The following CSMD1 variants were observed in gnomAD, a reference collection of about 807,000 sequenced individuals.
The protein encoded by CSMD1 is CUB and Sushi multiple domains 1.
In CSMD1, 213 loss-of-function variants were observed where a neutral mutation model predicts 417.5. The observed-to-expected ratio is 0.51, with a 90% CI of 0.46 to 0.57. The LOEUF is 0.57. CSMD1 is among the 20% of genes least tolerant of loss of function. CSMD1 has a pLI of 0.00. For synonymous variants in CSMD1, 2,862 were observed against 1,736.8 expected (o/e 1.65, Z -16.11); for missense variants, 6,923 against 4,529.7 (o/e 1.53, Z -15.17).
At chr8:3,766,618 A>G (rs1055324826) in intron 5 of CSMD1, among the ~76,000 whole-genome samples, 2 of 152,206 alleles carry the variant, frequency 1.3e-5, no homozygotes, top group African/African-American at 4.8e-5. Flanking sequence ...AGAGATCTCT[A>G]TAATAAATTC....
At chr8:3,602,261 GCA>G (rs1307325827) in intron 8 of CSMD1, among the ~76,000 whole-genome samples, 2 of 152,100 alleles carry the variant, frequency 1.3e-5, no homozygotes, top group South Asian at 2.1e-4. Flanking sequence ...GTGTTTAATT[GCA>G]CAGTTTAGAG....
chr8:3,224,504 A>C (rs1261389758), intron 27 of CSMD1, among the ~76,000 whole-genome samples: 1 of 152,332 alleles, frequency 6.6e-6, no homozygotes, highest in Non-Finnish European at 1.5e-5. Flanking sequence ...TACTTTCCCC[A>C]TATTTCAAAG....
chr8:3,645,799 A>C (rs1797544696), intron 7 of CSMD1, among the ~76,000 whole-genome samples: 1 of 152,142 alleles, frequency 6.6e-6, no homozygotes, highest in Non-Finnish European at 1.5e-5. Context: ...TACCAAAACA[A>C]AGCTGTCTAT....
chr8:4,491,541 G>C (rs1228428214), intron 2 of CSMD1, among the ~76,000 whole-genome samples: 1 of 150,982 alleles, frequency 6.6e-6, no homozygotes, highest in Non-Finnish European at 1.5e-5. Context: ...TCTGTCTCCT[G>C]GAAAATGATT....
chr8:4,865,794 C>T (rs1802393464), intron 1 of CSMD1, among the ~76,000 whole-genome samples: 1 of 151,822 alleles, frequency 6.6e-6, no homozygotes, highest in Non-Finnish European at 1.5e-5. Flanking sequence ...ATGCATTGCC[C>T]AGTTTTTTAA....
intron 3 of CSMD1, among the ~76,000 whole-genome samples, chr8:4,129,887 A>G (rs956213968): frequency 6.6e-6 from 1 of 152,054 alleles, no homozygotes; most frequent in Non-Finnish European, 1.5e-5. Context: ...TGTTTTGTGA[A>G]TATAATATAT....
chr8:3,659,763 G>C (rs934341520), intron 7 of CSMD1, among the ~76,000 whole-genome samples: 1 of 152,072 alleles, frequency 6.6e-6, no homozygotes, highest in Admixed American at 6.6e-5. Context: ...AAAAATACTG[G>C]TAAAGATCTT....
At chr8:3,330,693 C>T (rs550425515) in intron 23 of CSMD1, among the ~76,000 whole-genome samples, 5 of 152,152 alleles carry the variant, frequency 3.3e-5, no homozygotes, top group African/African-American at 9.6e-5. Context: ...AACAAACCCC[C>T]GTGACATGAG....
At chr8:3,158,155 A>G (rs1417028801) in intron 38 of CSMD1, among the ~76,000 whole-genome samples, 189 bp from the exon 39 acceptor site, 1 of 152,228 alleles carries the variant, frequency 6.6e-6, no homozygotes, top group East Asian at 1.9e-4. Context: ...ATAGAAAAGT[A>G]TCCATTTTCA....
intron 3 of CSMD1, among the ~76,000 whole-genome samples, chr8:4,156,420 T>A (rs1341950568): frequency 2.6e-5 from 4 of 152,178 alleles, no homozygotes; most frequent in African/African-American, 7.2e-5. Flanking sequence ...GTCTCTGTAC[T>A]GACTTGAGAA....
At chr8:4,714,036 T>G (rs2116876676) in intron 1 of CSMD1, among the ~76,000 whole-genome samples, 1 of 152,024 alleles carries the variant, frequency 6.6e-6, no homozygotes, top group Non-Finnish European at 1.5e-5. Flanking sequence ...TCCCAGCTAC[T>G]CGGGAGACTG....
chr8:3,616,096 A>G (rs1415398567), intron 8 of CSMD1, among the ~76,000 whole-genome samples: 1 of 152,204 alleles, frequency 6.6e-6, no homozygotes, highest in African/African-American at 2.4e-5. Flanking sequence ...AGATAATTAA[A>G]TATTTTACCT....
chr8:3,412,940 G>T (rs537419480), intron 12 of CSMD1, among the ~76,000 whole-genome samples: 1 of 152,130 alleles, frequency 6.6e-6, no homozygotes, highest in Non-Finnish European at 1.5e-5. Context: ...TGGGCTGGGC[G>T]CCCAGGGTCC....
intron 3 of CSMD1, among the ~76,000 whole-genome samples, chr8:4,305,997 G>A (rs1585198066): frequency 6.6e-6 from 1 of 152,230 alleles, no homozygotes; most frequent in African/African-American, 2.4e-5. Context: ...TACCTTAATG[G>A]TTGTGCAATA....
At chr8:3,220,061 C>A (rs1798111279) in intron 28 of CSMD1, among the ~76,000 whole-genome samples, 1 of 148,786 alleles carries the variant, frequency 6.7e-6, no homozygotes. Context: ...TGGATGATCA[C>A]TTGAGGCCAG....
In CSMD1 at chr8:4,135,613, G is replaced by T. The variant is rs139359089; in HGVS notation, c.416-103514C>A. Among the ~76,000 whole-genome samples, 80 of 152,174 alleles carry T rather than the reference G, an allele frequency of 5.3e-4. 1 individual carries two copies. The East Asian group carries it at 0.014, about 26-fold the overall frequency. ...AAATATCAAGAGGAAAATTTAGTTTGCACTGTTAATAGTTCAAAGATGTTT... is the reference window on the plus strand; with the variant it reads ...AAATATCAAGAGGAAAATTTAGTTTTCACTGTTAATAGTTCAAAGATGTTT... On this transcript the variant is annotated intron_variant, in intron 3 of 69. Transcript: ENST00000635120.
intron 3 of CSMD1, among the ~76,000 whole-genome samples, chr8:4,412,390 A>G (rs1452662335): frequency 1.3e-5 from 2 of 152,144 alleles, no homozygotes; most frequent in Non-Finnish European, 2.9e-5. Context: ...CGCATTTGCC[A>G]TGTGTTGCGC....
chr8:3,771,466 A>G lies in CSMD1; in HGVS notation c.819-17424T>C, dbSNP rs149349385. ...TCTCTCAGTTGCTGGTGGGGGGGCA[A>G]GCAGGGCCAGGCCAATTCTCAAGCT... is the stretch of plus-strand genomic sequence containing the variant. On this transcript the variant is annotated intron_variant, in intron 5 of 69. Transcript: ENST00000635120. Among the ~76,000 whole-genome samples the G allele has an allele frequency of 6.6e-5, 10 of 152,274 alleles. No homozygotes were observed. In the East Asian group the frequency reaches 1.7e-3, roughly 27 times the overall value.
At chr8:4,371,087 A>G (rs1433714007) in intron 3 of CSMD1, among the ~76,000 whole-genome samples, 4 of 152,130 alleles carry the variant, frequency 2.6e-5, no homozygotes, top group African/African-American at 7.2e-5. Context: ...TGTTCTTTAG[A>G]TGGGGCATTT....
Sources: allele counts gnomAD v4.1 joint callset (sites outside exome capture counted in the v4.1 genomes callset), GRCh38; gene constraint gnomAD v4.1.1; transcripts MANE v1.5; gene names NCBI Gene and HGNC (gene_info 2026-07-23, HGNC 2026-07-21).